Variants in GLRA2 observed in about 807,000 individuals in gnomAD.
GLRA2 encodes the protein glycine receptor alpha 2, also known as glycine receptor subunit alpha-2.
GLRA2 carries 11 observed loss-of-function variants against 31.6 expected under a neutral mutation model. The observed-to-expected ratio is 0.35, with a 90% CI of 0.22 to 0.58. The LOEUF is 0.58. Among genes scored for constraint, GLRA2 ranks in the 20% least tolerant of loss-of-function variants. The pLI is 0.84. For missense variants in GLRA2, 212 were observed against 351.8 expected (o/e 0.60, Z 3.18); for synonymous variants, 132 against 134.0 (o/e 0.99, Z 0.10).
the GLRA2 span, among the ~76,000 whole-genome samples, chrX:14,483,202 C>A: frequency 8.9e-6 from 1 of 111,777 alleles, no homozygotes; most frequent in Admixed American, 9.5e-5. Context: ...CAGGCTAGGG[C>A]ATAAAATAGA....
chrX:14,675,834 C>G (rs1284771333), intron 7 of GLRA2, among the ~76,000 whole-genome samples: 2 of 112,124 alleles, frequency 1.8e-5, no homozygotes, highest in African/African-American at 6.5e-5. Flanking sequence ...TCTCGTGATA[C>G]AGTTACTGAA....
chrX:14,453,327 TA>T, the GLRA2 span, among the ~76,000 whole-genome samples: 51 of 110,333 alleles, frequency 4.6e-4, no homozygotes, highest in African/African-American at 1.6e-3. Flanking sequence ...GGGTGGAGGG[TA>T]GGGGATAGGG....
intron 7 of GLRA2, among the ~76,000 whole-genome samples, chrX:14,650,237 A>T (rs988869976): frequency 2.7e-5 from 3 of 111,265 alleles, no homozygotes; most frequent in Middle Eastern, 4.2e-3. Context: ...TTAAGCTGCT[A>T]AGTTAATTAA....
At chrX:14,668,961 C>T (rs933153704) in intron 7 of GLRA2, among the ~76,000 whole-genome samples, 9 of 112,123 alleles carry the variant, frequency 8.0e-5, no homozygotes, top group South Asian at 7.4e-4. Context: ...TCCAAAGTCT[C>T]ATCTGAGACA....
At chrX:14,695,271 C>A (rs1356239504) in intron 8 of GLRA2, among the ~76,000 whole-genome samples, 1 of 111,034 alleles carries the variant, frequency 9.0e-6, no homozygotes, top group East Asian at 2.8e-4. Flanking sequence ...ATATCACTTG[C>A]AATTGCCTTT....
At chrX:14,674,950 C>T (rs1195075405) in intron 7 of GLRA2, among the ~76,000 whole-genome samples, 2 of 111,814 alleles carry the variant, frequency 1.8e-5, no homozygotes, top group Non-Finnish European at 3.8e-5. Flanking sequence ...TGTTCCGAAT[C>T]CCCACTTCCC....
rs759587713 is a variant in GLRA2 at position 14,690,689 on chromosome X, G to GTC, written c.931-20_931-19insCT. ...TCTCTCTCTCTCTCTGTGTGTGTGT[G>GTC]TGTCTCTCTCTCTCTCTCAGGTCTC... On this transcript the variant is annotated intron_variant, in intron 7 of 8. Transcript: ENST00000218075. The GTC allele has an allele frequency of 1.9e-5, 20 of 1,031,464 alleles. No homozygotes were observed. In the African/African-American group the frequency reaches 3.4e-4, roughly 17 times the overall value. The allele number at this position is 1,031,464 out of a possible 1,213,427, so 85.0% of individuals were successfully genotyped here.
intron 4 of GLRA2, among the ~76,000 whole-genome samples, chrX:14,589,494 C>T (rs1384421541): frequency 4.3e-5 from 2 of 46,665 alleles, no homozygotes; most frequent in African/African-American, 2.0e-4. Context: ...CCCATCTGTA[C>T]TAAAAAAAAA....
chrX:14,731,301 C>CTTTA lies in GLRA2; in HGVS notation c.*820_*823dup, dbSNP rs1371686113. On this transcript the variant is annotated 3_prime_UTR_variant, in exon 9 of 9. Coordinates refer to ENST00000218075, the MANE Select transcript of GLRA2 (RefSeq NM_002063.4). Reference sequence around the variant, plus strand: ...AGTGTACCCTCTTAATAAATGCCCACTTTATTTTATATCCAAGTTAGTGCA... The same window carrying CTTTA: ...AGTGTACCCTCTTAATAAATGCCCACTTTATTTATTTTATATCCAAGTTAGTGCA... The CTTTA allele has an allele frequency of 8.9e-6, 1 of 112,099 alleles. No individual in the cohort carries two copies. The highest frequency in any genetic ancestry group is 3.3e-5 in the African/African-American group (1 of 30,765). 9.2% of individuals were successfully genotyped at this position (112,099 alleles called of 1,213,427 possible). A position where few individuals can be genotyped will look rare whatever the true frequency, so the allele number is the denominator to read the frequency against.
At chrX:14,711,736 G>A (rs765933590) in intron 8 of GLRA2, among the ~76,000 whole-genome samples, 1 of 112,557 alleles carries the variant, frequency 8.9e-6, no homozygotes, top group South Asian at 3.7e-4. Flanking sequence ...ACTGAGGCAC[G>A]TAGTAAGTGA....
the GLRA2 span, among the ~76,000 whole-genome samples, chrX:14,498,433 C>A: frequency 9.1e-6 from 1 of 110,333 alleles, no homozygotes; most frequent in African/African-American, 3.3e-5. Context: ...AAACTATACC[C>A]CTTGATAGAA....
the GLRA2 span, among the ~76,000 whole-genome samples, chrX:14,493,294 T>G: frequency 1.8e-5 from 2 of 109,531 alleles, no homozygotes; most frequent in Non-Finnish European, 3.8e-5. Flanking sequence ...AATTAACAAA[T>G]TGTGATACAT....
intron 3 of GLRA2, among the ~76,000 whole-genome samples, chrX:14,579,406 C>T (rs774667608): frequency 8.1e-5 from 9 of 110,501 alleles, no homozygotes; most frequent in East Asian, 5.7e-4. Flanking sequence ...CTCCACTCAC[C>T]GCAACCTGCG....
At chrX:14,642,254 G>C (rs2090781799) in intron 7 of GLRA2, among the ~76,000 whole-genome samples, 1 of 111,895 alleles carries the variant, frequency 8.9e-6, no homozygotes, top group Admixed American at 9.5e-5. Flanking sequence ...AAGTCCATCT[G>C]CCTGGGCTGG....
chrX:14,654,242 T>C (rs1347125911), intron 7 of GLRA2, among the ~76,000 whole-genome samples: 2 of 111,896 alleles, frequency 1.8e-5, no homozygotes, highest in Non-Finnish European at 3.8e-5. Context: ...CATCACACCC[T>C]CTACCAGCAA....
At chrX:14,582,874 G>A (rs1247345987) in intron 4 of GLRA2, among the ~76,000 whole-genome samples, 1 of 111,449 alleles carries the variant, frequency 9.0e-6, no homozygotes, top group East Asian at 2.8e-4. Context: ...CAAACAATTG[G>A]ACACGGCTGT....
the GLRA2 span, among the ~76,000 whole-genome samples, chrX:14,519,792 T>A: frequency 8.9e-6 from 1 of 111,885 alleles, no homozygotes; most frequent in Non-Finnish European, 1.9e-5. Flanking sequence ...TAGATAGGTC[T>A]TAAGTCCCTA....
rs763116251 is a variant in GLRA2 at position 14,602,274 on chromosome X, C to CA, written c.495-2035dup. Among the ~76,000 whole-genome samples the CA allele has an allele frequency of 2.7e-5, 3 of 111,416 alleles. No individual in the cohort carries two copies. In the South Asian group the frequency reaches 1.1e-3, roughly 42 times the overall value. ...GGATCAGCCAGAGCTGACTGGAGTTCAAAAAAGTTAAGGAAAGAGGAAAGT... is the reference window on the plus strand; with the variant it reads ...GGATCAGCCAGAGCTGACTGGAGTTCAAAAAAAGTTAAGGAAAGAGGAAAGT... On this transcript the variant is annotated intron_variant, in intron 4 of 8. Transcript: ENST00000218075.
chrX:14,583,756 A>G (rs894519145), intron 4 of GLRA2, among the ~76,000 whole-genome samples: 2 of 111,140 alleles, frequency 1.8e-5, no homozygotes, highest in African/African-American at 6.6e-5. Context: ...AAAAACAAAA[A>G]CAAAAAACCA....
Sources: gnomAD v4.1 joint callset for allele counts (sites outside exome capture counted in the v4.1 genomes callset) on GRCh38, gnomAD v4.1.1 for gene constraint, MANE v1.5 for transcripts, NCBI Gene and HGNC (gene_info 2026-07-23, HGNC 2026-07-21) for gene names.